The following NPC1 variants were observed in gnomAD, a reference collection of about 807,000 sequenced individuals.
NPC1 encodes NPC intracellular cholesterol transporter 1, also known as Niemann-Pick C1 protein.
A neutral mutation model predicts 140.4 loss-of-function variants in NPC1; 85 were observed. That is an observed-to-expected ratio of 0.61 (90% CI 0.51 to 0.72). The LOEUF is 0.72. Among genes scored for constraint, NPC1 ranks in the 30% least tolerant of loss-of-function variants. The probability of loss-of-function intolerance (pLI) is 0.00; values close to 1 mark genes in which losing one functional copy is unlikely to be tolerated. For missense variants in NPC1, 1,504 were observed against 1,623.8 expected (o/e 0.93, Z 1.27); for synonymous variants, 656 against 624.8 (o/e 1.05, Z -0.74).
intron 3 of NPC1, among the ~76,000 whole-genome samples, chr18:23,569,436 C>A (rs886939819): frequency 2.6e-5 from 4 of 152,164 alleles, no homozygotes; most frequent in African/African-American, 9.7e-5. Context: ...AATCCTCCCA[C>A]CTCAGCCTCC....
intron 4 of NPC1, among the ~76,000 whole-genome samples, chr18:23,566,366 A>G (rs1057313069): frequency 6.6e-6 from 1 of 152,188 alleles, no homozygotes; most frequent in African/African-American, 2.4e-5. Flanking sequence ...CCTGGGTGAC[A>G]GCATGAGACC....
chr18:23,576,242 AAAAC>A (rs200906567), intron 1 of NPC1, among the ~76,000 whole-genome samples: 3,021 of 152,114 alleles, frequency 0.02, 91 homozygotes, highest in African/African-American at 0.068. Flanking sequence ...ACAAAAAAAC[AAAAC>A]AAACAAAAAC....
Position 23,531,480 on chromosome 18 carries a change from G to C in NPC1, c.*722C>G. ...GCTTTTGTATTTGTCTCTCAAAGCAGATAGGGTAACCCCAAAACTTAGGAA... is the reference window on the plus strand; with the variant it reads ...GCTTTTGTATTTGTCTCTCAAAGCACATAGGGTAACCCCAAAACTTAGGAA... On this transcript the variant is annotated 3_prime_UTR_variant, in exon 25 of 25. Transcript: ENST00000269228. The C allele has an allele frequency of 1.4e-6, 2 of 1,440,540 alleles. No individual in the cohort carries two copies. Among genetic ancestry groups the C allele is most frequent in the Non-Finnish European group, 1.8e-6 (2 of 1,100,542 alleles). 89.2% of individuals were successfully genotyped at this position (1,440,540 alleles called of 1,614,324 possible).
intron 1 of NPC1, among the ~76,000 whole-genome samples, chr18:23,523,614 T>A (rs753324913): frequency 1.4e-5 from 2 of 145,678 alleles, no homozygotes; most frequent in African/African-American, 2.5e-5. Flanking sequence ...TCCTAGCTAC[T>A]CTGAAGGCTG....
At chr18:23,521,318 G>A (rs929545049), downstream of NPC1, among the ~76,000 whole-genome samples, 1 of 152,238 alleles carries the variant, frequency 6.6e-6, no homozygotes, top group African/African-American at 2.4e-5. Flanking sequence ...CGTTGATGGT[G>A]AAATATGTTT....
chr18:23,554,795 A>G lies in NPC1; in HGVS notation c.1516T>C (p.Tyr506His), dbSNP rs1567963950. 1.2e-6 allele frequency: 2 copies of G among 1,614,120 alleles called. No individual in the cohort carries two copies. Among genetic ancestry groups the G allele is most frequent in the South Asian group, 2.2e-5 (2 of 91,078 alleles). ...AGAAAGTGCGTGTGGTAATCGGCAT[A>G]CACAAAGAAGTCGTCCCCTTTCTTG... is the stretch of plus-strand genomic sequence containing the variant. ...DHKKGDDFFV[Y>H]ADYHTHFLYC... Residue 506 changes from tyrosine to histidine, a missense_variant, in exon 9 of 25, where the codon TAT becomes CAT. Coordinates refer to ENST00000269228, the MANE Select transcript of NPC1 (RefSeq NM_000271.5).
At chr18:23,549,122 AAAACTATGTAT>A (rs2058831039) in intron 10 of NPC1, among the ~76,000 whole-genome samples, 1 of 152,164 alleles carries the variant, frequency 6.6e-6, no homozygotes, top group Non-Finnish European at 1.5e-5. Context: ...CAATGAATCA[AAAACTATGTAT>A]ATTTCCAATT....
chr18:23,584,445 C>T (rs1265360538), intron 1 of NPC1, among the ~76,000 whole-genome samples: 1 of 152,146 alleles, frequency 6.6e-6, no homozygotes, highest in East Asian at 1.9e-4. Flanking sequence ...CTTGAAAAGG[C>T]CTCCAGGCAT....
chr18:23,532,150 G>A lies in NPC1; in HGVS notation c.*52C>T. ...TTGCCGATGCAGCACCCGTCCAGTG[G>A]TAAACCGACCGACCCTTAGACACAG... On this transcript the variant is annotated 3_prime_UTR_variant, in exon 25 of 25. Transcript: ENST00000269228. 5 of 1,614,052 alleles carry A rather than the reference G, an allele frequency of 3.1e-6. No individual in the cohort carries two copies. Among genetic ancestry groups the A allele is most frequent in the Non-Finnish European group, 3.4e-6 (4 of 1,180,030 alleles).
At chr18:23,513,047 G>A (rs2057905326) in intron 3 of NPC1, among the ~76,000 whole-genome samples, 1 of 152,008 alleles carries the variant, frequency 6.6e-6, no homozygotes, top group Non-Finnish European at 1.5e-5. Context: ...TCTGTCTCCT[G>A]GGTTCAGGCG....
chr18:23,573,864 T>C lies in NPC1; in HGVS notation c.58-290A>G, dbSNP rs571279869. Among the ~76,000 whole-genome samples the C allele has an allele frequency of 6.7e-4, 102 of 152,318 alleles. 1 individual carries two copies. The highest frequency in any genetic ancestry group is 2.4e-3 in the African/African-American group (98 of 41,582). ...CCATGTAAGAAATACTCAATCACAG[T>C]AGAGAGAAAAGCAAGATAGTGACTT... is the stretch of plus-strand genomic sequence containing the variant. On this transcript the variant is annotated intron_variant, in intron 1 of 24. Coordinates refer to ENST00000269228, the MANE Select transcript of NPC1 (RefSeq NM_000271.5).
At chr18:23,525,616 G>C (rs2058275883), downstream of NPC1, among the ~76,000 whole-genome samples, 1 of 152,050 alleles carries the variant, frequency 6.6e-6, no homozygotes, top group African/African-American at 2.4e-5. Flanking sequence ...GTAGATACGG[G>C]GTTTCACCAT....
At chr18:23,537,986 A>G (rs1206573857) in intron 20 of NPC1, among the ~76,000 whole-genome samples, 6 of 152,240 alleles carry the variant, frequency 3.9e-5, no homozygotes, top group Non-Finnish European at 7.3e-5. Flanking sequence ...AATCAAGGCC[A>G]GAGACTTCCG....
At chr18:23,540,057 C>G in intron 17 of NPC1, 56 bp from the exon 18 acceptor site, 11 of 1,476,698 alleles carry the variant, frequency 7.4e-6, no homozygotes, top group Non-Finnish European at 1.0e-5. Context: ...AGTAACTAAG[C>G]AAGGCGAGGA....
chr18:23,581,166 G>T (rs1377774405), intron 1 of NPC1, among the ~76,000 whole-genome samples: 2 of 152,186 alleles, frequency 1.3e-5, no homozygotes, highest in Non-Finnish European at 2.9e-5. Flanking sequence ...TATGAAAGTG[G>T]GTGCCAGTAT....
rs765652543 is a variant in NPC1, at chr18:23,544,519, G to C, written c.1955C>G (p.Ser652Trp). ...GCCCGCGATGCCTAGTGAGACCTTC[G>C]AATCCACCTGAGAGAGGCGACAGAC... ...MKSCRRLLVD[S>W]KVSLGIAGIL... The change falls in exon 13 of 25, where the codon TCG becomes TGG. Residue 652 changes from serine to tryptophan, a missense_variant. Ser to Trp is a radical substitution (Grantham distance 177). Transcript: ENST00000269228. 6.2e-7 allele frequency: 1 copy of C among 1,614,110 alleles called. No homozygotes were observed.
At chr18:23,525,872 T>C (rs2058284579), downstream of NPC1, among the ~76,000 whole-genome samples, 1 of 152,224 alleles carries the variant, frequency 6.6e-6, no homozygotes, top group South Asian at 2.1e-4. Context: ...TAAGAACTCT[T>C]GAGGAGAGAA....
intron 1 of NPC1, among the ~76,000 whole-genome samples, chr18:23,582,909 G>A (rs773507930): frequency 7.9e-5 from 12 of 151,562 alleles, no homozygotes; most frequent in Non-Finnish European, 1.6e-4. Context: ...AGGAATTCAA[G>A]ACCACCTTGG....
At chr18:23,541,926 G>A (rs1355961898) in intron 14 of NPC1, among the ~76,000 whole-genome samples, 3 of 152,160 alleles carry the variant, frequency 2.0e-5, no homozygotes, top group Non-Finnish European at 4.4e-5. Context: ...GATGGTTCCT[G>A]TTTAGCCCAC....
Sources: allele counts gnomAD v4.1 joint callset (sites outside exome capture counted in the v4.1 genomes callset), GRCh38; gene constraint gnomAD v4.1.1; transcripts MANE v1.5; gene names NCBI Gene and HGNC (gene_info 2026-07-23, HGNC 2026-07-21).